Variants in B4GALNT3 observed in about 807,000 individuals in gnomAD.
B4GALNT3 encodes the protein beta-1,4-N-acetyl-galactosaminyltransferase 3, also known as beta-1,4-N-acetylgalactosaminyltransferase 3.
Under a neutral mutation model 120.2 loss-of-function variants are expected in B4GALNT3, and 86 were observed. The observed-to-expected ratio is 0.72, with a 90% CI of 0.60 to 0.86. B4GALNT3 has a LOEUF of 0.86. Ranked by LOEUF, B4GALNT3 falls within the 40% of genes least tolerant of loss-of-function variation. The pLI, the probability that B4GALNT3 is intolerant of heterozygous loss-of-function variation, is 0.00. For missense variants in B4GALNT3, 1,167 were observed against 1,298.9 expected (o/e 0.90, Z 1.56); for synonymous variants, 518 against 510.4 (o/e 1.01, Z -0.20).
intron 7 of B4GALNT3, among the ~76,000 whole-genome samples, chr12:547,615 G>A (rs967786180): frequency 1.3e-5 from 2 of 152,178 alleles, no homozygotes; most frequent in African/African-American, 4.8e-5. Context: ...CAAGTCGGCC[G>A]GCGGAATCCC....
intron 1 of B4GALNT3, among the ~76,000 whole-genome samples, chr12:490,727 CAAA>C (rs35344501): frequency 8.6e-5 from 12 of 139,496 alleles, no homozygotes; most frequent in East Asian, 2.1e-4. Flanking sequence ...GACACTGTCT[CAAA>C]AAAAAAAAAA....
intron 1 of B4GALNT3, among the ~76,000 whole-genome samples, chr12:462,591 A>G (rs925409138): frequency 6.6e-6 from 1 of 151,894 alleles, no homozygotes; most frequent in Non-Finnish European, 1.5e-5. Context: ...CCCAGCCTCT[A>G]TGCCAGAATT....
chr12:544,498 C>A, intron 4 of B4GALNT3, 64 bp downstream of exon 4: 1 of 1,389,660 alleles, frequency 7.2e-7, no homozygotes, highest in African/African-American at 1.4e-5. Flanking sequence ...CCACTTCTGT[C>A]TCTCATCTTT....
intron 1 of B4GALNT3, among the ~76,000 whole-genome samples, chr12:511,694 TCTTCCACCTTCCTTCCACCTTCCGC>T (rs1565598152): frequency 4.3e-5 from 1 of 23,346 alleles, no homozygotes; most frequent in African/African-American, 2.0e-4. Flanking sequence ...CCACCTTCTG[TCTTCCACCTTCCTTCCACCTTCCGC>T]CTTCCACCTT....
chr12:473,208 T>C (rs1427064617), intron 1 of B4GALNT3, among the ~76,000 whole-genome samples: 1 of 148,592 alleles, frequency 6.7e-6, no homozygotes, highest in East Asian at 2.2e-4. Flanking sequence ...GCTCAAGCAA[T>C]CCTCTTTCCT....
chr12:482,353 C>T (rs895465144), intron 1 of B4GALNT3, among the ~76,000 whole-genome samples: 63 of 152,328 alleles, frequency 4.1e-4, no homozygotes, highest in African/African-American at 1.5e-3. Flanking sequence ...CTTGGCTAAT[C>T]ATAGACCTGT....
intron 3 of B4GALNT3, 77 bp from the exon 4 acceptor site, chr12:544,262 C>T (rs1212884435): frequency 6.4e-6 from 9 of 1,405,832 alleles, no homozygotes; most frequent in Non-Finnish European, 8.9e-6. Context: ...ATGGGATGCT[C>T]ATCCCCCTGG....
At chr12:541,098 G>C (rs1946909485) in intron 3 of B4GALNT3, among the ~76,000 whole-genome samples, 1 of 152,240 alleles carries the variant, frequency 6.6e-6, no homozygotes, top group Admixed American at 6.5e-5. Context: ...TTTAGAACGA[G>C]AGTTCTGGAA....
intron 14 of B4GALNT3, among the ~76,000 whole-genome samples, chr12:554,755 A>AC (rs1565611585): frequency 8.2e-6 from 1 of 122,152 alleles, no homozygotes; most frequent in Non-Finnish European, 1.6e-5. Context: ...GCGCCACTGC[A>AC]CTCCAGCCTG....
chr12:484,810 A>AC (rs1184388959), intron 1 of B4GALNT3, among the ~76,000 whole-genome samples: 1 of 151,682 alleles, frequency 6.6e-6, no homozygotes, highest in Non-Finnish European at 1.5e-5. Flanking sequence ...AAAAAAAAAA[A>AC]AAAACCACTC....
intron 1 of B4GALNT3, among the ~76,000 whole-genome samples, chr12:463,494 A>G (rs1441586744): frequency 6.6e-6 from 1 of 152,206 alleles, no homozygotes; most frequent in Admixed American, 6.5e-5. Context: ...CGAGCCAGGC[A>G]TTGTGCCAGG....
intron 1 of B4GALNT3, among the ~76,000 whole-genome samples, chr12:464,317 A>T (rs1946055258): frequency 6.6e-6 from 1 of 152,186 alleles, no homozygotes; most frequent in Non-Finnish European, 1.5e-5. Flanking sequence ...ATCAGCAAAG[A>T]TTCTATCTGA....
intron 1 of B4GALNT3, among the ~76,000 whole-genome samples, chr12:494,084 A>G (rs986177008): frequency 6.6e-6 from 1 of 152,122 alleles, no homozygotes; most frequent in Non-Finnish European, 1.5e-5. Flanking sequence ...AGCCTGGGCA[A>G]CATGGTGAAA....
At chr12:518,671 A>G (rs990283826) in intron 1 of B4GALNT3, among the ~76,000 whole-genome samples, 4 of 152,176 alleles carry the variant, frequency 2.6e-5, no homozygotes, top group African/African-American at 9.7e-5. Context: ...GAGTACTAGA[A>G]TTACAGGCAT....
chr12:500,865 C>CTTTTGTTTTT (rs1946433352), intron 1 of B4GALNT3, among the ~76,000 whole-genome samples: 1 of 61,830 alleles, frequency 1.6e-5, no homozygotes, highest in Non-Finnish European at 2.7e-5. Flanking sequence ...GGCTCCACTG[C>CTTTTGTTTTT]TTTTTTTTTT....
rs756607383 is a variant in B4GALNT3 at position 544,304 on chromosome 12, C to G, written c.352-35C>G. ...GGATCTGGGGCGGGCATGGGGTGCT[C>G]ACGCTCACTCACCACTGGCGTCTCC... On this transcript the variant is annotated intron_variant, in intron 3 of 19. Coordinates refer to ENST00000266383, the MANE Select transcript of B4GALNT3 (RefSeq NM_173593.4). 7.5e-6 allele frequency: 12 copies of G among 1,602,322 alleles called. No homozygotes were observed. The South Asian group carries it at 9.9e-5, about 13-fold the overall frequency.
At chr12:535,670 CT>C (rs955005966) in intron 2 of B4GALNT3, among the ~76,000 whole-genome samples, 83 of 152,328 alleles carry the variant, frequency 5.4e-4, no homozygotes, top group African/African-American at 1.9e-3. Flanking sequence ...ATGGACACCC[CT>C]CCCTGCCCGT....
Position 550,348 on chromosome 12 carries a change from G to A in B4GALNT3, c.997+436G>A, listed in dbSNP as rs911826028. 3.0e-4 allele frequency among the ~76,000 whole-genome samples: 45 copies of A among 152,176 alleles called. No homozygotes were observed. The highest frequency in any genetic ancestry group is 1.0e-3 in the African/African-American group (42 of 41,432). On this transcript the variant is annotated intron_variant, in intron 10 of 19. Coordinates refer to ENST00000266383, the MANE Select transcript of B4GALNT3 (RefSeq NM_173593.4). This position sits in a 1 kb window ranked among gnomAD's most constrained non-coding sequence, Gnocchi z 4.1. ...TTTAAAAGACGGCCAAGATGGCCAGGCATGGTGGCTCATTCCTGTCATCCT... is the reference window on the plus strand; with the variant it reads ...TTTAAAAGACGGCCAAGATGGCCAGACATGGTGGCTCATTCCTGTCATCCT...
chr12:552,339 G>C, intron 12 of B4GALNT3, 128 bp from the exon 13 acceptor site: 1 of 903,352 alleles, frequency 1.1e-6, no homozygotes, highest in Admixed American at 2.0e-5. Context: ...ACACACACCC[G>C]CTCACCAGCC....
Sources: allele counts gnomAD v4.1 joint callset (sites outside exome capture counted in the v4.1 genomes callset), GRCh38; gene constraint gnomAD v4.1.1; non-coding constraint Gnocchi (gnomAD v3.1); transcripts MANE v1.5; gene names NCBI Gene and HGNC (gene_info 2026-07-23, HGNC 2026-07-21).